Variants in DLG2 observed in about 807,000 individuals in gnomAD.
DLG2 encodes the protein discs large MAGUK scaffold protein 2, also known as disks large homolog 2.
Under a neutral mutation model 132.5 loss-of-function variants are expected in DLG2, and 45 were observed. That is an observed-to-expected ratio of 0.34 (90% CI 0.27 to 0.44). The LOEUF (loss-of-function observed/expected upper bound fraction) is 0.44, where lower values mean the gene tolerates loss of function less well. Among genes scored for constraint, DLG2 ranks in the 20% least tolerant of loss-of-function variants. DLG2 has a pLI of 1.00. For missense variants in DLG2, 1,045 were observed against 1,196.9 expected (o/e 0.87, Z 1.87); for synonymous variants, 424 against 419.6 (o/e 1.01, Z -0.13).
intron 6 of DLG2, chr11:84,887,134 G>C (rs1032438140): frequency 6.6e-6 from 1 of 152,120 alleles, no homozygotes; most frequent in Non-Finnish European, 1.5e-5. Context: ...TGATATGAAA[G>C]AGATACAGAG....
At position 83,622,682 on chromosome 11, in the gene DLG2, A is replaced by C. The variant is rs184444595; in HGVS notation, c.1940+10529T>G. On this transcript the variant is annotated intron_variant, in intron 19 of 27. Transcript: ENST00000376104. The stretch of plus-strand genomic sequence containing the variant: ...GTTTACCCAAAAGCCATTCAGGAGC[A>C]AGTTGTTTAATTTCCATGTAATCAT... 2.2e-3 allele frequency among the ~76,000 whole-genome samples: 336 copies of C among 152,268 alleles called. 3 individuals are homozygous for C. The highest frequency in any genetic ancestry group is 0.02 in the Admixed American group (312 of 15,286).
At chr11:84,878,368 T>C (rs1298669142) in intron 6 of DLG2, among the ~76,000 whole-genome samples, 1 of 152,164 alleles carries the variant, frequency 6.6e-6, no homozygotes, top group Non-Finnish European at 1.5e-5. Context: ...CATAGAATAG[T>C]ATGAAGCCGT....
At chr11:84,747,438 C>T (rs2065523751) in intron 6 of DLG2, among the ~76,000 whole-genome samples, 1 of 152,060 alleles carries the variant, frequency 6.6e-6, no homozygotes, top group African/African-American at 2.4e-5. Flanking sequence ...GAAAAAAAAG[C>T]ATGGGCTTTG....
rs575111324 is a variant in DLG2, at chr11:85,482,521, A to G, written c.40+116136T>C. On this transcript the variant is annotated intron_variant, in intron 3 of 27. Coordinates refer to ENST00000376104, the MANE Select transcript of DLG2 (RefSeq NM_001142699.3). ...ACCACCTCTGTGTACCTACTACTCA[A>G]TCTGGTTCCTTGTCCCAAGACCCAG... 1.6e-4 allele frequency among the ~76,000 whole-genome samples: 25 copies of G among 152,226 alleles called. No homozygotes were observed. In the South Asian group the frequency reaches 4.4e-3, roughly 27 times the overall value.
At chr11:84,859,447 T>C (rs866135684) in intron 6 of DLG2, among the ~76,000 whole-genome samples, 1 of 145,536 alleles carries the variant, frequency 6.9e-6, no homozygotes, top group Non-Finnish European at 1.5e-5. Flanking sequence ...TATATATACA[T>C]ACATATATAC....
At chr11:83,634,791 G>C (rs934686266) in intron 18 of DLG2, among the ~76,000 whole-genome samples, 3 of 152,060 alleles carry the variant, frequency 2.0e-5, no homozygotes, top group African/African-American at 7.2e-5. Flanking sequence ...GCAATAAATA[G>C]ATAACAGGAA....
intron 10 of DLG2, among the ~76,000 whole-genome samples, chr11:84,069,761 G>A (rs1468351929): frequency 1.3e-5 from 2 of 152,202 alleles, no homozygotes; most frequent in Non-Finnish European, 2.9e-5. Context: ...TTCAGCATCA[G>A]TGATTGGTCT....
At chr11:84,790,685 C>T (rs1305726383) in intron 6 of DLG2, among the ~76,000 whole-genome samples, 1 of 152,112 alleles carries the variant, frequency 6.6e-6, no homozygotes, top group Non-Finnish European at 1.5e-5. Context: ...GAGGGTTTCC[C>T]TTATGTTTCC....
At chr11:83,943,102 C>T (rs1375858011) in intron 14 of DLG2, among the ~76,000 whole-genome samples, 1 of 152,162 alleles carries the variant, frequency 6.6e-6, no homozygotes, top group African/African-American at 2.4e-5. Flanking sequence ...GTGAGGCTTC[C>T]TCAGCCACGT....
At chr11:85,582,112 A>G (rs973430278) in intron 3 of DLG2, among the ~76,000 whole-genome samples, 1 of 152,214 alleles carries the variant, frequency 6.6e-6, no homozygotes, top group Admixed American at 6.5e-5. Context: ...GAAGAGAAAA[A>G]CAAAGAAATT....
rs191249558 is a variant in DLG2 at position 83,898,281 on chromosome 11, T to A, written c.1497-23793A>T. Among the ~76,000 whole-genome samples the A allele has an allele frequency of 1.7e-3, 257 of 152,282 alleles. 2 individuals carry two copies. Among genetic ancestry groups the A allele is most frequent in the African/African-American group, 5.8e-3 (241 of 41,590 alleles). On this transcript the variant is annotated intron_variant, in intron 15 of 27. Coordinates refer to ENST00000376104, the MANE Select transcript of DLG2 (RefSeq NM_001142699.3). ...TGTGTATACCTATATATTGGATATG[T>A]AAATATAAAAATGACTTTATTACAT...
At chr11:84,466,090 A>G (rs939086638) in intron 7 of DLG2, among the ~76,000 whole-genome samples, 1 of 151,268 alleles carries the variant, frequency 6.6e-6, no homozygotes, top group Non-Finnish European at 1.5e-5. Context: ...AAAAAAAGGA[A>G]TTTTTAAATA....
intron 3 of DLG2, among the ~76,000 whole-genome samples, chr11:85,520,324 ATTGAT>A (rs2153175291): frequency 6.6e-6 from 1 of 152,258 alleles, no homozygotes; most frequent in South Asian, 2.1e-4. Flanking sequence ...ACGATAAAAC[ATTGAT>A]GAAGGAAATA....
At chr11:84,972,046 A>G (rs1488021196) in intron 6 of DLG2, among the ~76,000 whole-genome samples, 3 of 152,136 alleles carry the variant, frequency 2.0e-5, no homozygotes, top group Admixed American at 2.0e-4. Context: ...GTACTTACTT[A>G]TGACTCAGAG....
intron 7 of DLG2, among the ~76,000 whole-genome samples, chr11:84,455,288 G>C (rs1199000827): frequency 6.6e-6 from 1 of 151,378 alleles, no homozygotes; most frequent in Admixed American, 6.6e-5. Flanking sequence ...ATATGTTTCT[G>C]TGTGGCCTGC....
intron 6 of DLG2, among the ~76,000 whole-genome samples, chr11:85,026,228 G>T (rs922357547): frequency 6.6e-6 from 1 of 151,870 alleles, no homozygotes. Context: ...GTAGCCAAAA[G>T]GTTCTTAAAT....
chr11:83,708,607 C>A (rs141772991), intron 18 of DLG2, among the ~76,000 whole-genome samples: 7 of 152,034 alleles, frequency 4.6e-5, no homozygotes, highest in Non-Finnish European at 8.8e-5. Context: ...GTTTTATGGT[C>A]AAAAATTGCA....
At chr11:83,986,330 A>G (rs1239827272) in intron 11 of DLG2, among the ~76,000 whole-genome samples, 1 of 151,838 alleles carries the variant, frequency 6.6e-6, no homozygotes, top group Non-Finnish European at 1.5e-5. Context: ...TGTTCTTGCA[A>G]TAGTTTACTG....
At chr11:85,391,785 C>A (rs898358934) in intron 3 of DLG2, among the ~76,000 whole-genome samples, 2 of 152,122 alleles carry the variant, frequency 1.3e-5, no homozygotes, top group South Asian at 2.1e-4. Context: ...AAGGGACACA[C>A]CTTAAGGTAA....
Sources: gnomAD v4.1 joint callset for allele counts (sites outside exome capture counted in the v4.1 genomes callset) on GRCh38, gnomAD v4.1.1 for gene constraint, MANE v1.5 for transcripts, NCBI Gene and HGNC (gene_info 2026-07-23, HGNC 2026-07-21) for gene names.